The following PSME4 variants were observed in gnomAD, a reference collection of about 807,000 sequenced individuals.
PSME4 encodes the protein proteasome activator complex subunit 4.
PSME4 carries 89 observed loss-of-function variants against 253.9 expected under a neutral mutation model. That is an observed-to-expected ratio of 0.35 (90% CI 0.30 to 0.42). PSME4 has a LOEUF of 0.42. Among genes scored for constraint, PSME4 ranks in the 10% least tolerant of loss-of-function variants. PSME4 has a pLI of 1.00. For synonymous variants in PSME4, 851 were observed against 759.2 expected (o/e 1.12, Z -1.99); for missense variants, 2,014 against 2,195.2 (o/e 0.92, Z 1.65).
chr2:53,967,641 G>C (rs1670803202), intron 1 of PSME4, among the ~76,000 whole-genome samples: 1 of 56,242 alleles, frequency 1.8e-5, no homozygotes, highest in Non-Finnish European at 3.2e-5. Flanking sequence ...AACAGAGTGA[G>C]ATTGTCTCAA....
Position 53,939,954 on chromosome 2 carries a change from A to C in PSME4, c.545+2T>G, listed in dbSNP as rs1033779375. On this transcript the variant is annotated splice_donor_variant, in intron 4 of 46. Transcript: ENST00000404125. LOFTEE classifies it high-confidence loss of function. ...GGCTTTATAAATTGAGAAGCTACTT[A>C]CGGTCGGCAGCTTTTCACGAGTGTT... The C allele has an allele frequency of 6.3e-7, 1 of 1,594,504 alleles. No individual in the cohort carries two copies. Among genetic ancestry groups the C allele is most frequent in the Non-Finnish European group, 8.6e-7 (1 of 1,164,296 alleles).
At chr2:53,885,977 G>A (rs1679617991) in intron 40 of PSME4, among the ~76,000 whole-genome samples, 1 of 152,122 alleles carries the variant, frequency 6.6e-6, no homozygotes, top group Admixed American at 6.5e-5. Flanking sequence ...TAAAACTTTT[G>A]TGCATAAAAA....
chr2:53,895,175 A>G, intron 33 of PSME4, 99 bp from the exon 34 acceptor site: 1 of 1,017,696 alleles, frequency 9.8e-7, no homozygotes, highest in Non-Finnish European at 1.4e-6. Context: ...AACTCTAACT[A>G]GATGCTAAGT....
intron 10 of PSME4, among the ~76,000 whole-genome samples, chr2:53,931,089 C>G (rs1244517421): frequency 6.6e-6 from 1 of 152,124 alleles, no homozygotes; most frequent in Non-Finnish European, 1.5e-5. Context: ...ACCAGCCTGG[C>G]CAACATGGTG....
At chr2:53,914,608 C>T (rs973569485) in intron 20 of PSME4, among the ~76,000 whole-genome samples, 7 of 152,164 alleles carry the variant, frequency 4.6e-5, no homozygotes, top group South Asian at 2.1e-4. Flanking sequence ...AGTGGCCAGG[C>T]GCAGTGGCTC....
intron 38 of PSME4, 99 bp from the exon 39 acceptor site, chr2:53,888,088 TC>T (rs1481692882): frequency 2.0e-5 from 26 of 1,291,086 alleles, no homozygotes; most frequent in Non-Finnish European, 2.6e-5. Flanking sequence ...TAAAGCTTTT[TC>T]GTTTTTTCAC....
chr2:53,959,096 T>C (rs1670365824), intron 1 of PSME4, among the ~76,000 whole-genome samples: 1 of 152,232 alleles, frequency 6.6e-6, no homozygotes. Context: ...GCAGGTGGAC[T>C]GCTTGAGCCC....
chr2:53,941,799 C>T (rs1042665898), intron 3 of PSME4, among the ~76,000 whole-genome samples: 1 of 152,050 alleles, frequency 6.6e-6, no homozygotes, highest in African/African-American at 2.4e-5. Context: ...AGTACTAATG[C>T]TTGTGTTCTC....
chr2:53,933,770 A>G (rs559252616), intron 8 of PSME4, among the ~76,000 whole-genome samples: 1 of 152,328 alleles, frequency 6.6e-6, no homozygotes, highest in Non-Finnish European at 1.5e-5. Flanking sequence ...AACTAATACT[A>G]ATCACTATCC....
intron 41 of PSME4, among the ~76,000 whole-genome samples, chr2:53,882,388 T>C (rs1420617715): frequency 6.6e-6 from 1 of 152,214 alleles, no homozygotes; most frequent in Non-Finnish European, 1.5e-5. Flanking sequence ...TATTTGCTAA[T>C]GGCAACTCAG....
intron 1 of PSME4, among the ~76,000 whole-genome samples, chr2:53,953,487 T>TAAAAAAA (rs67192995): frequency 3.3e-5 from 4 of 123,034 alleles, no homozygotes; most frequent in South Asian, 2.6e-4. Flanking sequence ...CCATGTCTAT[T>TAAAAAAA]AAAAAAAAAA....
At position 53,899,904 on chromosome 2, in the gene PSME4, C is replaced by T. The variant is rs805423; in HGVS notation, c.3399G>A (p.Gln1133=). Residue 1133 remains glutamine (Q), a synonymous_variant, in exon 29 of 47, where the codon CAG becomes CAA. Coordinates refer to ENST00000404125, the MANE Select transcript of PSME4 (RefSeq NM_014614.3). ...EKIKEGIKRQ[Q]EKNADALRNY... Reference sequence around the variant, plus strand: ...ACCTTAGGGCATCGGCATTCTTTTCCTGTTGGCGTTTAATTCCTTCCTTAA... The same window carrying T: ...ACCTTAGGGCATCGGCATTCTTTTCTTGTTGGCGTTTAATTCCTTCCTTAA... 810,867 of 1,612,050 alleles carry T rather than the reference C, an allele frequency of 0.5. 206,503 individuals carry two copies. Among genetic ancestry groups the T allele is most frequent in the East Asian group, 0.66 (29,435 of 44,838 alleles).
At chr2:53,903,534 T>C (rs1436547721) in intron 27 of PSME4, among the ~76,000 whole-genome samples, 1 of 152,180 alleles carries the variant, frequency 6.6e-6, no homozygotes, top group African/African-American at 2.4e-5. Flanking sequence ...TCTTCTCTAC[T>C]CCAATTGCAT....
chr2:53,936,387 G>T (rs1293285792), intron 6 of PSME4, among the ~76,000 whole-genome samples: 1 of 151,862 alleles, frequency 6.6e-6, no homozygotes, highest in African/African-American at 2.4e-5. Flanking sequence ...AAATGACAAA[G>T]CACCATCCAC....
At chr2:53,952,963 A>G (rs1368108168) in intron 1 of PSME4, among the ~76,000 whole-genome samples, 22 of 152,206 alleles carry the variant, frequency 1.4e-4, no homozygotes. Flanking sequence ...TAGACAGACA[A>G]CTGTATATTT....
In PSME4 at chr2:53,940,998, T is replaced by TATATATATGA. The variant is rs1553338492; in HGVS notation, c.501-999_501-998insTCATATATAT. On this transcript the variant is annotated intron_variant, in intron 3 of 46. Transcript: ENST00000404125. ...ATATATATATATATATATATATATA[T>TATATATATGA]ATGAAAGGAGTAAGTTTCAGGCAAT... Among the ~76,000 whole-genome samples the TATATATATGA allele has an allele frequency of 8.6e-4, 74 of 85,900 alleles. 6 individuals carry two copies. Among genetic ancestry groups the TATATATATGA allele is most frequent in the South Asian group, 3.3e-3 (7 of 2,104 alleles). The allele number at this position is 85,900 out of a possible 152,430, so 56.4% of individuals were successfully genotyped here. A position where few individuals can be genotyped will look rare whatever the true frequency, so the allele number is the denominator to read the frequency against.
intron 1 of PSME4, among the ~76,000 whole-genome samples, chr2:53,963,132 C>T (rs1670563290): frequency 6.6e-6 from 1 of 152,030 alleles, no homozygotes; most frequent in South Asian, 2.1e-4. Flanking sequence ...TCAAGGCCAG[C>T]CTGAGCAACA....
intron 1 of PSME4, among the ~76,000 whole-genome samples, chr2:53,957,925 T>C (rs1670309568): frequency 6.6e-6 from 1 of 152,128 alleles, no homozygotes. Flanking sequence ...CAATCTCCTG[T>C]GGAACACACA....
intron 3 of PSME4, among the ~76,000 whole-genome samples, chr2:53,940,953 ATAT>A (rs1260583704): frequency 7.7e-5 from 1 of 12,928 alleles, no homozygotes; most frequent in Non-Finnish European, 1.2e-4. Context: ...ATATATATAC[ATAT>A]ATATATATAT....
Sources: allele counts gnomAD v4.1 joint callset (sites outside exome capture counted in the v4.1 genomes callset), GRCh38; gene constraint gnomAD v4.1.1; transcripts MANE v1.5; gene names NCBI Gene and HGNC (gene_info 2026-07-23, HGNC 2026-07-21).